Variants in FLNB observed in about 807,000 individuals in gnomAD.
FLNB encodes filamin-B.
In FLNB, 111 loss-of-function variants were observed where a neutral mutation model predicts 250.6. That is an observed-to-expected ratio of 0.44 (90% confidence interval 0.38 to 0.52). The LOEUF is 0.52. Among genes scored for constraint, FLNB ranks in the 20% least tolerant of loss-of-function variants. The pLI is 0.00. For synonymous variants in FLNB, 1,302 were observed against 1,372.1 expected, an observed-to-expected ratio of 0.95 and a Z score of 1.13; for missense variants, 2,869 against 3,447.8, an observed-to-expected ratio of 0.83 and a Z score of 4.20.
intron 23 of FLNB, among the ~76,000 whole-genome samples, chr3:58,126,337 G>A (rs1437603200): frequency 1.3e-5 from 2 of 152,066 alleles, no homozygotes; most frequent in Admixed American, 6.6e-5. Flanking sequence ...CCGAGACCGC[G>A]CCACTGCACT....
At chr3:58,021,579 G>C (rs1294757314) in intron 1 of FLNB, among the ~76,000 whole-genome samples, 1 of 152,130 alleles carries the variant, frequency 6.6e-6, no homozygotes, top group Non-Finnish European at 1.5e-5. Flanking sequence ...GCTAGCACCT[G>C]GGGGATGGCT....
At position 58,078,264 on chromosome 3, in the gene FLNB, CCTTTACCTCATGTG is replaced by C. The variant is rs2097204427; in HGVS notation, c.542-449_542-436del. 3 of 1,407,702 alleles carry C rather than the reference CCTTTACCTCATGTG, an allele frequency of 2.1e-6. No individual in the cohort carries two copies. The South Asian group carries it at 5.0e-5, about 24-fold the overall frequency. The allele number at this position is 1,407,702 out of a possible 1,614,324, so 87.2% of individuals were successfully genotyped here. ...TAAACCTGGGAGTTTTTACTCTAGT[CCTTTACCTCATGTG>C]CTTACAAAGGCTTTTAAGATAATTC... On this transcript the variant is annotated intron_variant, in intron 2 of 45. Transcript: ENST00000295956.
intron 24 of FLNB, among the ~76,000 whole-genome samples, chr3:58,127,831 T>C (rs897368713): frequency 5.3e-5 from 8 of 152,230 alleles, no homozygotes; most frequent in African/African-American, 1.9e-4. Context: ...ACTCAAATGA[T>C]TGTCACCCCC....
intron 1 of FLNB, among the ~76,000 whole-genome samples, chr3:58,022,371 G>A (rs1576595090): frequency 6.6e-6 from 1 of 152,200 alleles, no homozygotes. Context: ...TGGGGTCCCA[G>A]TGGAACACTT....
chr3:58,138,237 A>G (rs200253670), intron 28 of FLNB, 45 bp from the exon 29 acceptor site: 101 of 1,612,000 alleles, frequency 6.3e-5, no homozygotes, highest in Middle Eastern at 2.1e-4. Context: ...GGCCTCCAGG[A>G]TGTGTGTCCA....
In FLNB at chr3:58,123,282, G is replaced by A. The variant is rs766451607; in HGVS notation, c.3316G>A (p.Glu1106Lys). Residue 1106 changes from glutamate to lysine, a missense_variant, in exon 21 of 46, where the codon GAG becomes AAG. Coordinates refer to ENST00000295956, the MANE Select transcript of FLNB (RefSeq NM_001457.4). ...CTCTTACCTTCCCACAAAACCCGGG[G>A]AGTACTTCGTCAACATCCTCTTTGA... ...SVSYLPTKPG[E>K]YFVNILFEEV... is the part of the protein sequence containing the mutation. 9.9e-6 allele frequency: 16 copies of A among 1,614,032 alleles called. No individual in the cohort carries two copies. The highest frequency in any genetic ancestry group is 1.7e-5 in the Admixed American group (1 of 59,986).
chr3:58,041,901 G>T (rs766112610), intron 1 of FLNB, among the ~76,000 whole-genome samples: 5 of 152,268 alleles, frequency 3.3e-5, no homozygotes, highest in Non-Finnish European at 5.9e-5. Context: ...GCACCAGAAG[G>T]GTTCCTCATC....
Position 58,097,992 on chromosome 3 carries a change from C to T in FLNB, c.1147+15C>T, listed in dbSNP as rs760842054. 6.2e-7 allele frequency: 1 copy of T among 1,613,544 alleles called. No homozygotes were observed. The highest frequency in any genetic ancestry group is 1.1e-5 in the South Asian group (1 of 90,984). On this transcript the variant is annotated intron_variant, in intron 7 of 45. Coordinates refer to ENST00000295956, the MANE Select transcript of FLNB (RefSeq NM_001457.4). ...CTATACGGCAGGTAACGTGCCTCTC[C>T]TCCATGGATCTGACCTTTGCGCTTT...
At chr3:58,033,203 T>A (rs554165085) in intron 1 of FLNB, among the ~76,000 whole-genome samples, 1 of 152,284 alleles carries the variant, frequency 6.6e-6, no homozygotes, top group South Asian at 2.1e-4. Context: ...CAGGAAACCA[T>A]CACCATAATC....
In FLNB at chr3:58,102,358, T is replaced by C. The variant is rs766161618; in HGVS notation, c.1483+18T>C. 1.9e-6 allele frequency: 3 copies of C among 1,614,000 alleles called. No individual in the cohort carries two copies. In the South Asian group the frequency reaches 3.3e-5, roughly 18 times the overall value. On this transcript the variant is annotated intron_variant, in intron 9 of 45. Transcript: ENST00000295956. The stretch of plus-strand genomic sequence containing the variant: ...GGGTCCTAGTAAGTGTTCCTTTGTT[T>C]CTCTATCTCAGGTGTGGTTTTGGCT...
At chr3:58,144,371 C>T (rs2097332266) in intron 32 of FLNB, among the ~76,000 whole-genome samples, 1 of 152,202 alleles carries the variant, frequency 6.6e-6, no homozygotes, top group South Asian at 2.1e-4. Context: ...GGATAACAGG[C>T]ATGAGCCGCC....
At chr3:58,098,566 C>CA in intron 7 of FLNB, 145 bp from the exon 8 acceptor site, 2 of 704,654 alleles carry the variant, frequency 2.8e-6, no homozygotes, top group Admixed American at 4.9e-5. Flanking sequence ...ATCCTGACCT[C>CA]AAGTGATCTA....
At position 58,125,753 on chromosome 3, in the gene FLNB, G is replaced by A; in HGVS notation, c.4061+10G>A. 1.2e-6 allele frequency: 2 copies of A among 1,613,848 alleles called. No homozygotes were observed. Among genetic ancestry groups the A allele is most frequent in the South Asian group, 2.2e-5 (2 of 91,064 alleles). ...TCACCGTGGTTACCAGGTAGGCAAGGCCCTACATTTGGTGTCTTGAGTCTC... is the reference window on the plus strand; with the variant it reads ...TCACCGTGGTTACCAGGTAGGCAAGACCCTACATTTGGTGTCTTGAGTCTC... On this transcript the variant is annotated intron_variant, in intron 23 of 45. Coordinates refer to ENST00000295956, the MANE Select transcript of FLNB (RefSeq NM_001457.4).
chr3:58,009,102 G>C (rs370163696), intron 1 of FLNB, among the ~76,000 whole-genome samples: 2 of 152,200 alleles, frequency 1.3e-5, no homozygotes, highest in South Asian at 2.1e-4. Context: ...TAAGGGTTGA[G>C]GGTTTGGGCT....
intron 42 of FLNB, chr3:58,162,927 T>G: frequency 3.5e-6 from 2 of 575,762 alleles, no homozygotes; most frequent in Non-Finnish European, 3.1e-6. Context: ...CAGAGTCTTG[T>G]CCTGTGTTTA....
intron 19 of FLNB, 28 bp downstream of exon 19, chr3:58,119,017 G>A (rs908177710): frequency 9.4e-6 from 14 of 1,494,464 alleles, no homozygotes; most frequent in Non-Finnish European, 5.6e-6. Context: ...GAGCAGATGG[G>A]TTGTTGATGA....
chr3:58,129,988 C>G (rs978067657), intron 24 of FLNB, among the ~76,000 whole-genome samples: 6 of 152,218 alleles, frequency 3.9e-5, no homozygotes, highest in Non-Finnish European at 8.8e-5. Flanking sequence ...CTGACACCCT[C>G]AAGGAGTCAG....
chr3:58,070,371 C>T (rs2097192392), intron 1 of FLNB, among the ~76,000 whole-genome samples: 1 of 152,124 alleles, frequency 6.6e-6, no homozygotes, highest in Admixed American at 6.6e-5. Flanking sequence ...AACCTACCTA[C>T]TCCTTATAAC....
chr3:58,069,309 G>A (rs1042307070), intron 1 of FLNB, among the ~76,000 whole-genome samples: 1 of 145,476 alleles, frequency 6.9e-6, no homozygotes, highest in Non-Finnish European at 1.5e-5. Context: ...GAGTGATTTC[G>A]GCTCACTGAG....
Sources: allele counts gnomAD v4.1 joint callset (sites outside exome capture counted in the v4.1 genomes callset), GRCh38; gene constraint gnomAD v4.1.1; transcripts MANE v1.5; gene names NCBI Gene and HGNC (gene_info 2026-07-23, HGNC 2026-07-21).